The following EYA1 variants were observed in gnomAD, a reference collection of about 807,000 sequenced individuals.
The protein encoded by EYA1 is EYA transcriptional coactivator and phosphatase 1.
In EYA1, 16 loss-of-function variants were observed where a neutral mutation model predicts 82.0. The observed-to-expected ratio is 0.20, with a 90% CI of 0.13 to 0.30. EYA1 has a LOEUF of 0.30. EYA1 is among the 10% of genes least tolerant of loss of function. The pLI, the probability that EYA1 is intolerant of heterozygous loss-of-function variation, is 1.00. For synonymous variants in EYA1, 261 were observed against 264.4 expected, an observed-to-expected ratio of 0.99 and a Z score of 0.12; for missense variants, 633 against 730.7, an observed-to-expected ratio of 0.87 and a Z score of 1.54.
chr8:71,287,607 C>T (rs1182352310), intron 9 of EYA1, among the ~76,000 whole-genome samples: 1 of 152,178 alleles, frequency 6.6e-6, no homozygotes, highest in African/African-American at 2.4e-5. Context: ...GGTTTAAGCT[C>T]CCCACAGTCA....
At chr8:71,357,037 T>C (rs1011747034) in intron 1 of EYA1, among the ~76,000 whole-genome samples, 1 of 152,198 alleles carries the variant, frequency 6.6e-6, no homozygotes, top group Admixed American at 6.5e-5. Flanking sequence ...CATTTACTAT[T>C]TGTCATTTAA....
chr8:71,374,391 A>G (rs1410357552), intron 2 of EYA1, among the ~76,000 whole-genome samples: 3 of 152,176 alleles, frequency 2.0e-5, no homozygotes, highest in African/African-American at 7.2e-5. Context: ...GATAATCAAC[A>G]TCACTAATCA....
At chr8:71,352,203 C>G (rs755408515) in intron 3 of EYA1, among the ~76,000 whole-genome samples, 1 of 152,102 alleles carries the variant, frequency 6.6e-6, no homozygotes, top group East Asian at 1.9e-4. Flanking sequence ...AATGACTACA[C>G]GCCAGAGAAG....
At chr8:71,216,628 C>T (rs1809238768) in intron 14 of EYA1, 64 bp downstream of exon 14, 1 of 1,493,656 alleles carries the variant, frequency 6.7e-7, no homozygotes, top group African/African-American at 1.4e-5. Flanking sequence ...CAAAAGTGTA[C>T]AGTACTTTTG....
intron 2 of EYA1, among the ~76,000 whole-genome samples, chr8:71,356,145 G>A (rs896850303): frequency 6.6e-6 from 1 of 152,156 alleles, no homozygotes; most frequent in Non-Finnish European, 1.5e-5. Context: ...CTTCTAAAGT[G>A]AGCTTTGACT....
intron 9 of EYA1, among the ~76,000 whole-genome samples, chr8:71,286,924 C>A (rs1264733262): frequency 6.6e-6 from 1 of 151,516 alleles, no homozygotes; most frequent in Admixed American, 6.6e-5. Flanking sequence ...GCCTCAGACT[C>A]CCGAGTAGCT....
At position 71,388,794 on chromosome 8, in the gene EYA1, T is replaced by C. The variant is rs573204470; in HGVS notation, c.34-32283A>G. On this transcript the variant is annotated intron_variant, in intron 2 of 18. Coordinates refer to the EYA1 transcript ENST00000643681. ...AGGAAGTACATTTTAATAAGCATAATAGTGATAGTCAGAATCAGCTTGAAA... is the reference window on the plus strand; with the variant it reads ...AGGAAGTACATTTTAATAAGCATAACAGTGATAGTCAGAATCAGCTTGAAA... 4.6e-5 allele frequency among the ~76,000 whole-genome samples: 7 copies of C among 152,202 alleles called. No homozygotes were observed. The South Asian group carries it at 6.2e-4, about 14-fold the overall frequency.
intron 2 of EYA1, among the ~76,000 whole-genome samples, chr8:71,503,573 A>G (rs1811975439): frequency 6.6e-6 from 1 of 152,190 alleles, no homozygotes; most frequent in Non-Finnish European, 1.5e-5. Context: ...GGAATATAGA[A>G]ACATACTCTT....
At position 71,233,336 on chromosome 8, in the gene EYA1, G is replaced by A. The variant is rs183475759; in HGVS notation, c.1140+11267C>T. 1.5e-3 allele frequency among the ~76,000 whole-genome samples: 225 copies of A among 152,120 alleles called. 1 individual carries two copies. Among genetic ancestry groups the A allele is most frequent in the African/African-American group, 4.1e-3 (169 of 41,546 alleles). On this transcript the variant is annotated intron_variant, in intron 12 of 17. Coordinates refer to ENST00000340726, the MANE Select transcript of EYA1 (RefSeq NM_000503.6). ...TCCCAGCACTTTGGGAGGCCAAGGC[G>A]GGCAGATCACGAGGTCAGGAGATCG... is the stretch of plus-strand genomic sequence containing the variant.
At chr8:71,388,081 T>C (rs1011025210) in intron 2 of EYA1, among the ~76,000 whole-genome samples, 2 of 152,212 alleles carry the variant, frequency 1.3e-5, no homozygotes, top group Non-Finnish European at 2.9e-5. Flanking sequence ...ACCCATCTTC[T>C]AGTCAAGAAA....
chr8:71,415,905 C>G (rs1289688424), intron 2 of EYA1, among the ~76,000 whole-genome samples: 1 of 152,178 alleles, frequency 6.6e-6, no homozygotes, highest in Non-Finnish European at 1.5e-5. Flanking sequence ...GGAAACTATT[C>G]TTGATATTAC....
intron 2 of EYA1, among the ~76,000 whole-genome samples, chr8:71,462,369 T>C (rs576458423): frequency 9.1e-4 from 139 of 152,116 alleles, no homozygotes; most frequent in African/African-American, 3.0e-3. Flanking sequence ...CCAACCCCTC[T>C]CCGAGATCGG....
intron 2 of EYA1, among the ~76,000 whole-genome samples, chr8:71,479,558 C>A (rs1457165553): frequency 6.7e-6 from 1 of 150,128 alleles, no homozygotes; most frequent in Non-Finnish European, 1.5e-5. Context: ...TACTACAGTA[C>A]CTGCTGCATA....
chr8:71,346,994 G>A (rs907987352), intron 3 of EYA1, among the ~76,000 whole-genome samples: 1 of 152,112 alleles, frequency 6.6e-6, no homozygotes, highest in Non-Finnish European at 1.5e-5. Context: ...TCCCTGCTTC[G>A]AGAAACTTAG....
Position 71,241,215 on chromosome 8 carries a change from G to T in EYA1, c.1140+3388C>A, listed in dbSNP as rs115787762. Among the ~76,000 whole-genome samples the T allele has an allele frequency of 4.7e-3, 710 of 151,776 alleles. 6 individuals are homozygous for T. The highest frequency in any genetic ancestry group is 0.016 in the African/African-American group (666 of 41,414). On this transcript the variant is annotated intron_variant, in intron 12 of 17. Coordinates refer to ENST00000340726, the MANE Select transcript of EYA1 (RefSeq NM_000503.6). The stretch of plus-strand genomic sequence containing the variant: ...CAGAAAACATTTTTTTCTCCTTTTT[G>T]TTTTTCCTGGTGTGTCAACAGAATT...
In EYA1 at chr8:71,199,230, C is replaced by A; in HGVS notation, c.*110G>T. On this transcript the variant is annotated 3_prime_UTR_variant, in exon 18 of 18. Coordinates refer to ENST00000340726, the MANE Select transcript of EYA1 (RefSeq NM_000503.6). The stretch of plus-strand genomic sequence containing the variant: ...CAAGACTGACAGCAACTGCGCATCA[C>A]CAGGCGGAAATTGCTAAGTTCTGGA... 1.3e-6 allele frequency: 1 copy of A among 771,608 alleles called. No homozygotes were observed. Among genetic ancestry groups the A allele is most frequent in the East Asian group, 2.7e-5 (1 of 37,366 alleles). 47.8% of individuals were successfully genotyped at this position (771,608 alleles called of 1,614,324 possible).
At chr8:71,495,546 A>G (rs936168193) in intron 2 of EYA1, among the ~76,000 whole-genome samples, 23 of 152,182 alleles carry the variant, frequency 1.5e-4, no homozygotes, top group Non-Finnish European at 1.9e-4. Context: ...TGAGAGATAA[A>G]GGTTGCAGTG....
chr8:71,331,350 A>G (rs1434625787), intron 4 of EYA1, among the ~76,000 whole-genome samples: 2 of 151,754 alleles, frequency 1.3e-5, no homozygotes, highest in Admixed American at 1.3e-4. Flanking sequence ...TTACCACAGT[A>G]CAGTTATCAA....
Position 71,512,853 on chromosome 8 carries a change from C to A in EYA1, c.33+22891G>T, listed in dbSNP as rs75740917. 5.6e-4 allele frequency among the ~76,000 whole-genome samples: 85 copies of A among 152,048 alleles called. No homozygotes were observed. The East Asian group carries it at 8.1e-3, about 15-fold the overall frequency. On this transcript the variant is annotated intron_variant, in intron 2 of 18. Transcript: ENST00000643681. ...ATGCTTTAAAAAGAAACACCATACCCCACAAAAAGAAAAGCAGTGATAGAG... is the reference window on the plus strand; with the variant it reads ...ATGCTTTAAAAAGAAACACCATACCACACAAAAAGAAAAGCAGTGATAGAG...
Sources: gnomAD v4.1 joint callset for allele counts (sites outside exome capture counted in the v4.1 genomes callset) on GRCh38, gnomAD v4.1.1 for gene constraint, MANE v1.5 for transcripts, NCBI Gene and HGNC (gene_info 2026-07-23, HGNC 2026-07-21) for gene names.